Variants in SMC5 observed in about 807,000 individuals in gnomAD.
SMC5 encodes the protein structural maintenance of chromosomes 5.
SMC5 carries 88 observed loss-of-function variants against 148.3 expected under a neutral mutation model. That is an observed-to-expected ratio of 0.59 (90% CI 0.50 to 0.71). The LOEUF is 0.71. Among genes scored for constraint, SMC5 ranks in the 30% least tolerant of loss-of-function variants. SMC5 has a pLI of 0.00. For synonymous variants in SMC5, 421 were observed against 432.8 expected, an observed-to-expected ratio of 0.97 and a Z score of 0.34; for missense variants, 1,142 against 1,298.9, an observed-to-expected ratio of 0.88 and a Z score of 1.86.
In SMC5 at chr9:70,347,596, T is replaced by A; in HGVS notation, c.2665-17T>A. 1 of 1,393,390 alleles carries A rather than the reference T, an allele frequency of 7.2e-7. No homozygotes were observed. The highest frequency in any genetic ancestry group is 9.9e-7 in the Non-Finnish European group (1 of 1,015,108). 86.3% of individuals were successfully genotyped at this position (1,393,390 alleles called of 1,614,324 possible). ...TTGGTAGATTTATCTTAAAGAAGTT[T>A]TTTTTTCCCCTGCCAGATTGTTCAG... On this transcript the variant is annotated splice_polypyrimidine_tract_variant and intron_variant, in intron 20 of 24. Transcript: ENST00000361138.
intron 17 of SMC5, among the ~76,000 whole-genome samples, chr9:70,332,353 C>G (rs980203773): frequency 6.6e-6 from 1 of 151,740 alleles, no homozygotes; most frequent in African/African-American, 2.4e-5. Flanking sequence ...AACCCTGTCT[C>G]TACAAAAAAT....
intron 7 of SMC5, among the ~76,000 whole-genome samples, chr9:70,283,492 T>C (rs1015941221): frequency 2.0e-5 from 3 of 152,052 alleles, no homozygotes; most frequent in African/African-American, 7.2e-5. Context: ...TAATAAAAAT[T>C]TAAAAATAAA....
At chr9:70,277,558 C>G (rs1382336549) in intron 4 of SMC5, 86 bp downstream of exon 4, 2 of 1,079,986 alleles carry the variant, frequency 1.9e-6, no homozygotes, top group Admixed American at 2.9e-5. Flanking sequence ...ATAATGACTG[C>G]TATTTAAATT....
At chr9:70,330,552 T>C (rs914092541) in intron 17 of SMC5, among the ~76,000 whole-genome samples, 11 of 150,212 alleles carry the variant, frequency 7.3e-5, no homozygotes, top group African/African-American at 1.7e-4. Flanking sequence ...AACTTTCTTT[T>C]TTTTTTTTTT....
chr9:70,260,280 G>A (rs1169651227), intron 1 of SMC5, among the ~76,000 whole-genome samples: 2 of 151,710 alleles, frequency 1.3e-5, no homozygotes, highest in African/African-American at 4.8e-5. Flanking sequence ...ATTTTTTTTT[G>A]TATTTTAGTA....
At chr9:70,343,743 G>A (rs2036585331) in intron 17 of SMC5, among the ~76,000 whole-genome samples, 2 of 152,094 alleles carry the variant, frequency 1.3e-5, no homozygotes, top group African/African-American at 4.8e-5. Context: ...TTGAATCTGG[G>A]AGGCAGAGGT....
chr9:70,321,069 G>C (rs1455566032), intron 15 of SMC5, among the ~76,000 whole-genome samples: 1 of 152,128 alleles, frequency 6.6e-6, no homozygotes, highest in South Asian at 2.1e-4. Flanking sequence ...GTATCCCCAG[G>C]AGTCTGTAGA....
chr9:70,333,589 G>A (rs955292545), intron 17 of SMC5, among the ~76,000 whole-genome samples: 2 of 152,244 alleles, frequency 1.3e-5, no homozygotes, highest in African/African-American at 4.8e-5. Context: ...AAATTAGCTG[G>A]GCATGGTGGC....
At chr9:70,260,726 G>C (rs1283304047) in intron 1 of SMC5, among the ~76,000 whole-genome samples, 2 of 152,120 alleles carry the variant, frequency 1.3e-5, no homozygotes, top group Non-Finnish European at 2.9e-5. Flanking sequence ...TTTTGTCTAC[G>C]AGTATGAGAA....
chr9:70,259,038 G>C lies in SMC5; in HGVS notation c.-41G>C. Reference sequence around the variant, plus strand: ...CGCTTGGGCGCCTGGGCTGCCGGACGGTGGGAACGGAAGTCGCTGTGGGAC... The same window carrying C: ...CGCTTGGGCGCCTGGGCTGCCGGACCGTGGGAACGGAAGTCGCTGTGGGAC... On this transcript the variant is annotated 5_prime_UTR_variant, in exon 1 of 25. Transcript: ENST00000361138. 6.4e-7 allele frequency: 1 copy of C among 1,551,016 alleles called. No homozygotes were observed. The highest frequency in any genetic ancestry group is 1.8e-4 in the Middle Eastern group (1 of 5,598).
At chr9:70,329,876 T>C (rs1469009343) in intron 17 of SMC5, among the ~76,000 whole-genome samples, 1 of 152,184 alleles carries the variant, frequency 6.6e-6, no homozygotes, top group Non-Finnish European at 1.5e-5. Context: ...GGTGCATGGC[T>C]GGGAGGCCTC....
chr9:70,327,721 C>T (rs2036117019), intron 17 of SMC5, among the ~76,000 whole-genome samples: 1 of 152,140 alleles, frequency 6.6e-6, no homozygotes, highest in African/African-American at 2.4e-5. Context: ...AATCGGATTA[C>T]ATTAGTTTCC....
At chr9:70,279,091 G>A (rs1217466615) in intron 5 of SMC5, among the ~76,000 whole-genome samples, 1 of 152,112 alleles carries the variant, frequency 6.6e-6, no homozygotes, top group East Asian at 1.9e-4. Flanking sequence ...TAGTTGGAAT[G>A]TTGGTTATTT....
chr9:70,335,341 G>A (rs890426354), intron 17 of SMC5, among the ~76,000 whole-genome samples: 3 of 152,060 alleles, frequency 2.0e-5, no homozygotes, highest in Non-Finnish European at 2.9e-5. Context: ...TTAAAAATTT[G>A]CCAGGCATGA....
At chr9:70,295,989 T>G (rs867751324) in intron 8 of SMC5, among the ~76,000 whole-genome samples, 10 of 152,218 alleles carry the variant, frequency 6.6e-5, no homozygotes, top group Non-Finnish European at 1.5e-4. Flanking sequence ...TTCAGTGACA[T>G]GTATGTATCT....
Position 70,263,145 on chromosome 9 carries a change from G to T in SMC5, c.186-1159G>T, listed in dbSNP as rs565958325. Among the ~76,000 whole-genome samples, 45 of 152,290 alleles carry T rather than the reference G, an allele frequency of 3.0e-4. 1 individual carries two copies. Among genetic ancestry groups the T allele is most frequent in the Non-Finnish European group, 5.3e-4 (36 of 68,020 alleles). On this transcript the variant is annotated intron_variant, in intron 1 of 24. Transcript: ENST00000361138. Reference sequence around the variant, plus strand: ...ACAGGAAATCCAAGTGGGGCTTCATGTGTTGAGCGTAAGAAGTTCCATGTC... The same window carrying T: ...ACAGGAAATCCAAGTGGGGCTTCATTTGTTGAGCGTAAGAAGTTCCATGTC...
intron 7 of SMC5, among the ~76,000 whole-genome samples, chr9:70,284,009 C>T (rs1175463154): frequency 6.6e-6 from 1 of 152,096 alleles, no homozygotes; most frequent in East Asian, 1.9e-4. Context: ...TTTTTAGGCA[C>T]CTGAAAGTCA....
At chr9:70,309,795 A>G (rs569118109) in intron 11 of SMC5, among the ~76,000 whole-genome samples, 107 of 152,252 alleles carry the variant, frequency 7.0e-4, no homozygotes, top group Non-Finnish European at 1.0e-3. Flanking sequence ...GTTAATGTTG[A>G]TATCTTGAGA....
Position 70,282,437 on chromosome 9 carries a change from C to A in SMC5, c.835C>A (p.Arg279Ser). The change falls in exon 7 of 25, where the codon CGT becomes AGT. Residue 279 changes from arginine (R) to serine (S), a missense_variant. Arg to Ser is a moderately radical substitution (Grantham distance 110). Transcript: ENST00000361138. ...KRPWVEYENV[R>S]QEYEEVKLVR... is the part of the protein sequence containing the mutation. ...TATTTGCAAGGAATATGAAAATGTTCGTCAGGAATATGAAGAAGTAAAACT... is the reference window on the plus strand; with the variant it reads ...TATTTGCAAGGAATATGAAAATGTTAGTCAGGAATATGAAGAAGTAAAACT... 2 of 1,590,228 alleles carry A rather than the reference C, an allele frequency of 1.3e-6. No homozygotes were observed. Among genetic ancestry groups the A allele is most frequent in the South Asian group, 2.4e-5 (2 of 84,276 alleles).
Sources: allele counts gnomAD v4.1 joint callset (sites outside exome capture counted in the v4.1 genomes callset), GRCh38; gene constraint gnomAD v4.1.1; transcripts MANE v1.5; gene names NCBI Gene and HGNC (gene_info 2026-07-23, HGNC 2026-07-21).